CLSTN2: variants seen among roughly 807,000 people sequenced by gnomAD.
CLSTN2 encodes the protein calsyntenin 2, also known as calsyntenin-2.
In CLSTN2, 48 loss-of-function variants were observed where a neutral mutation model predicts 101.2. The ratio of observed to expected loss-of-function variants is 0.47; its 90% CI spans 0.38 to 0.60. CLSTN2 has a LOEUF of 0.60. CLSTN2 is among the 20% of genes least tolerant of loss of function. The probability of loss-of-function intolerance (pLI) is 0.00; values close to 1 mark genes in which losing one functional copy is unlikely to be tolerated. For missense variants in CLSTN2, 1,160 were observed against 1,238.2 expected (o/e 0.94, Z 0.95); for synonymous variants, 481 against 463.6 (o/e 1.04, Z -0.48).
chr3:139,956,208 T>C (rs1356299576), intron 1 of CLSTN2, among the ~76,000 whole-genome samples: 4 of 152,244 alleles, frequency 2.6e-5, no homozygotes. Flanking sequence ...GCTGGTCATG[T>C]TGCTTCAGTA....
intron 1 of CLSTN2, among the ~76,000 whole-genome samples, chr3:140,044,653 A>C (rs1307518551): frequency 6.6e-6 from 1 of 152,180 alleles, no homozygotes; most frequent in Non-Finnish European, 1.5e-5. Context: ...TCAGTATGAT[A>C]TTGGCTGTGG....
At chr3:140,353,665 T>G (rs1219159183) in intron 2 of CLSTN2, among the ~76,000 whole-genome samples, 2 of 152,174 alleles carry the variant, frequency 1.3e-5, no homozygotes, top group Non-Finnish European at 2.9e-5. Flanking sequence ...TAGAATCAAT[T>G]CCCATGGATA....
chr3:140,077,699 A>G (rs942044240), intron 1 of CLSTN2, among the ~76,000 whole-genome samples: 4 of 152,006 alleles, frequency 2.6e-5, no homozygotes, highest in Non-Finnish European at 5.9e-5. Flanking sequence ...AGGAAAAAAA[A>G]AAAACCTCAA....
intron 2 of CLSTN2, among the ~76,000 whole-genome samples, chr3:140,401,130 G>A (rs1170487118): frequency 6.6e-6 from 1 of 152,240 alleles, no homozygotes; most frequent in Non-Finnish European, 1.5e-5. Context: ...AAATATTTGT[G>A]AGAAGAATGA....
intron 2 of CLSTN2, among the ~76,000 whole-genome samples, chr3:140,286,968 A>C (rs2086900797): frequency 6.6e-6 from 1 of 152,114 alleles, no homozygotes; most frequent in Non-Finnish European, 1.5e-5. Flanking sequence ...GCTGGTCAGG[A>C]GAGGGGAAAC....
At chr3:140,419,335 T>C (rs113844745) in intron 4 of CLSTN2, among the ~76,000 whole-genome samples, 14 of 148,804 alleles carry the variant, frequency 9.4e-5, no homozygotes, top group African/African-American at 3.5e-4. Context: ...ACACAAAAAT[T>C]AGCCAGGCGT....
At chr3:140,206,094 A>C (rs2010778744) in intron 2 of CLSTN2, among the ~76,000 whole-genome samples, 1 of 152,238 alleles carries the variant, frequency 6.6e-6, no homozygotes, top group Admixed American at 6.5e-5. Context: ...CATTTGCTTT[A>C]ATAAGTAACA....
intron 2 of CLSTN2, among the ~76,000 whole-genome samples, chr3:140,248,618 G>T (rs554309385): frequency 1.3e-5 from 2 of 152,324 alleles, no homozygotes; most frequent in South Asian, 4.1e-4. Flanking sequence ...GGGGCTGAAG[G>T]ACTCGTTAGT....
At chr3:140,565,993 C>T in intron 16 of CLSTN2, 60 bp from the exon 17 acceptor site, 2 of 1,604,528 alleles carry the variant, frequency 1.2e-6, no homozygotes, top group Non-Finnish European at 1.7e-6. Flanking sequence ...GAGACATAAG[C>T]TCCAAAATGG....
At chr3:139,970,133 T>G (rs372052316) in intron 1 of CLSTN2, among the ~76,000 whole-genome samples, 1 of 152,128 alleles carries the variant, frequency 6.6e-6, no homozygotes, top group African/African-American at 2.4e-5. Flanking sequence ...TTGGATGTAA[T>G]TTGGGCTGGG....
intron 8 of CLSTN2, among the ~76,000 whole-genome samples, chr3:140,476,482 C>T (rs935202272): frequency 2.6e-5 from 4 of 152,120 alleles, no homozygotes; most frequent in Admixed American, 1.3e-4. Context: ...TCAAAACATA[C>T]GTACTCCAAG....
intron 10 of CLSTN2, among the ~76,000 whole-genome samples, chr3:140,547,213 C>T (rs1935611604): frequency 6.6e-6 from 1 of 152,174 alleles, no homozygotes; most frequent in African/African-American, 2.4e-5. Flanking sequence ...CTGTGGCTCA[C>T]GTCTGTAGTC....
chr3:140,032,621 A>G (rs2007577016), intron 1 of CLSTN2, among the ~76,000 whole-genome samples: 1 of 152,036 alleles, frequency 6.6e-6, no homozygotes. Context: ...ATGGGCGTGT[A>G]CCACCATGCC....
intron 2 of CLSTN2, among the ~76,000 whole-genome samples, chr3:140,217,108 A>G (rs559305568): frequency 1.6e-4 from 24 of 152,264 alleles, no homozygotes; most frequent in Middle Eastern, 3.4e-3. Context: ...TTTAACTCCC[A>G]CATTCTTGTG....
chr3:140,550,806 A>G (rs935347102), intron 10 of CLSTN2, among the ~76,000 whole-genome samples: 1 of 151,372 alleles, frequency 6.6e-6, no homozygotes, highest in East Asian at 1.9e-4. Flanking sequence ...ATTTTTCAGG[A>G]TACTGAAACT....
intron 5 of CLSTN2, among the ~76,000 whole-genome samples, chr3:140,442,478 G>GC (rs1932949242): frequency 1.3e-5 from 2 of 152,116 alleles, no homozygotes. Context: ...GTACTCCTCT[G>GC]CCCCCTCCCC....
intron 8 of CLSTN2, among the ~76,000 whole-genome samples, chr3:140,511,401 G>C (rs1377702221): frequency 6.6e-6 from 1 of 152,016 alleles, no homozygotes; most frequent in Non-Finnish European, 1.5e-5. Context: ...AAATTGCTGG[G>C]TCAAATGGTA....
At chr3:140,192,801 G>T (rs2010588044) in intron 2 of CLSTN2, among the ~76,000 whole-genome samples, 1 of 151,752 alleles carries the variant, frequency 6.6e-6, no homozygotes, top group South Asian at 2.1e-4. Context: ...TATTTATATG[G>T]TAGGGTTTAG....
intron 9 of CLSTN2, among the ~76,000 whole-genome samples, chr3:140,533,329 T>C (rs72976061): frequency 0.054 from 8,171 of 152,206 alleles, 737 homozygotes; most frequent in African/African-American, 0.19. Context: ...GGCACAACCT[T>C]GTGTTGATGG....
Sources: gnomAD v4.1 joint callset for allele counts (sites outside exome capture counted in the v4.1 genomes callset) on GRCh38, gnomAD v4.1.1 for gene constraint, MANE v1.5 for transcripts, NCBI Gene and HGNC (gene_info 2026-07-23, HGNC 2026-07-21) for gene names.